The following AP3S2 variants were observed in gnomAD, a reference collection of about 807,000 sequenced individuals.
AP3S2 encodes the protein adaptor related protein complex 3 subunit sigma 2.
AP3S2 carries 22 observed loss-of-function variants against 23.4 expected under a neutral mutation model. That is an observed-to-expected ratio of 0.94 (90% CI 0.67 to 1.34). AP3S2 has a LOEUF of 1.34. Ranked by LOEUF, AP3S2 falls within the 40% of genes most tolerant of loss-of-function variation. The probability of loss-of-function intolerance (pLI) is 0.00; values close to 1 mark genes in which losing one functional copy is unlikely to be tolerated. For missense variants in AP3S2, 241 were observed against 236.9 expected (o/e 1.02, Z -0.11); for synonymous variants, 86 against 87.1 (o/e 0.99, Z 0.07).
At chr15:89,878,085 C>T (rs1485411799) in intron 3 of AP3S2, among the ~76,000 whole-genome samples, 1 of 151,968 alleles carries the variant, frequency 6.6e-6, no homozygotes, top group African/African-American at 2.4e-5. Flanking sequence ...TGTACTTAAC[C>T]TTGTACAGTT....
At chr15:89,891,427 G>A (rs905318666) in intron 1 of AP3S2, among the ~76,000 whole-genome samples, 1 of 152,208 alleles carries the variant, frequency 6.6e-6, no homozygotes, top group African/African-American at 2.4e-5. Context: ...GGGAGGCCAA[G>A]ACGGGCAGAT....
At chr15:89,889,706 A>G (rs1896775063) in intron 1 of AP3S2, among the ~76,000 whole-genome samples, 1 of 151,912 alleles carries the variant, frequency 6.6e-6, no homozygotes, top group Admixed American at 6.6e-5. Context: ...AAATAAAACA[A>G]AAAAACAATT....
chr15:89,877,546 T>G, intron 3 of AP3S2: 9 of 536,816 alleles, frequency 1.7e-5, no homozygotes, highest in Non-Finnish European at 2.5e-5. Flanking sequence ...TTCATATCTC[T>G]ATTTTATAAA....
intron 1 of AP3S2, among the ~76,000 whole-genome samples, chr15:89,889,991 TACTC>T (rs571452842): frequency 3.2e-3 from 491 of 152,312 alleles, no homozygotes; most frequent in Non-Finnish European, 4.0e-3. Flanking sequence ...GATGCTGTGT[TACTC>T]ACCAACAAAG....
At chr15:89,868,642 G>A (rs1896226943) in intron 4 of AP3S2, among the ~76,000 whole-genome samples, 1 of 117,012 alleles carries the variant, frequency 8.5e-6, no homozygotes, top group Non-Finnish European at 1.8e-5. Context: ...GCCCCTACTG[G>A]GAAGTGAGGA....
Position 89,835,557 on chromosome 15 carries a change from G to T in AP3S2, c.540C>A (p.Gly180=). Residue 180 remains glycine, a synonymous_variant, in exon 6 of 6, where the codon GGC becomes GGA. Coordinates refer to ENST00000336418, the MANE Select transcript of AP3S2 (RefSeq NM_005829.5). The part of the protein sequence containing the change: ...LPEIPRNINI[G]DLNIKVPNLS... ...GGTTGGGAACTTTGATGTTGAGATC[G>T]CCAATGTTGATGTTCCGAGGAATCT... The T allele has an allele frequency of 1.9e-6, 3 of 1,613,962 alleles. No individual in the cohort carries two copies. The South Asian group carries it at 3.3e-5, about 18-fold the overall frequency.
intron 3 of AP3S2, among the ~76,000 whole-genome samples, chr15:89,872,157 A>C (rs1268563493): frequency 6.6e-6 from 1 of 151,810 alleles, no homozygotes; most frequent in Non-Finnish European, 1.5e-5. Flanking sequence ...TACATAAAAG[A>C]ATAACAAATT....
chr15:89,889,472 T>C (rs947866497), intron 1 of AP3S2: 1 of 235,768 alleles, frequency 4.2e-6, no homozygotes, highest in Non-Finnish European at 8.5e-6. Flanking sequence ...GAAGGCCTGA[T>C]CCTGAAATAT....
At chr15:89,871,640 A>G in intron 3 of AP3S2, 94 bp from the exon 4 acceptor site, 5 of 1,278,964 alleles carry the variant, frequency 3.9e-6, no homozygotes, top group African/African-American at 1.5e-5. Flanking sequence ...GGCTGTCACA[A>G]TACTATTTAC....
chr15:89,853,353 G>C (rs955050679), intron 4 of AP3S2, among the ~76,000 whole-genome samples: 1 of 152,106 alleles, frequency 6.6e-6, no homozygotes, highest in Non-Finnish European at 1.5e-5. Context: ...TTGAATGGTG[G>C]ATATTACTGT....
intron 4 of AP3S2, among the ~76,000 whole-genome samples, chr15:89,840,338 T>C (rs1322869095): frequency 1.3e-5 from 2 of 152,208 alleles, no homozygotes; most frequent in Non-Finnish European, 2.9e-5. Flanking sequence ...ACTTGTTGAG[T>C]ATCTATTATG....
chr15:89,872,229 T>C (rs895601076), intron 3 of AP3S2, among the ~76,000 whole-genome samples: 2 of 152,148 alleles, frequency 1.3e-5, no homozygotes, highest in African/African-American at 4.8e-5. Context: ...AAATTTTTCA[T>C]TATTACAGGG....
chr15:89,883,031 CT>C (rs1432818431), intron 3 of AP3S2, among the ~76,000 whole-genome samples: 1 of 152,120 alleles, frequency 6.6e-6, no homozygotes, highest in Non-Finnish European at 1.5e-5. Flanking sequence ...CCAACTATTC[CT>C]TTGTTTTTTC....
chr15:89,862,269 A>C (rs983995903), intron 4 of AP3S2, among the ~76,000 whole-genome samples: 1 of 152,226 alleles, frequency 6.6e-6, no homozygotes, highest in Non-Finnish European at 1.5e-5. Context: ...AAAGATCTAA[A>C]GGACATTTCT....
rs1391056569 is a variant in AP3S2, at chr15:89,835,698, T to C, written c.454-55A>G. ...CAAATTCTCACTGTTATCTGCTTAA[T>C]GCTAAAAAAAAAAAAAAAAAAAAAG... On this transcript the variant is annotated intron_variant, in intron 5 of 5. Coordinates refer to ENST00000336418, the MANE Select transcript of AP3S2 (RefSeq NM_005829.5). 3 of 1,167,564 alleles carry C rather than the reference T, an allele frequency of 2.6e-6. No homozygotes were observed. The African/African-American group carries it at 6.6e-5, about 25-fold the overall frequency. The allele number at this position is 1,167,564 out of a possible 1,614,324, so 72.3% of individuals were successfully genotyped here.
intron 4 of AP3S2, among the ~76,000 whole-genome samples, chr15:89,856,684 AGAGT>A (rs1367298133): frequency 7.0e-6 from 1 of 143,254 alleles, no homozygotes; most frequent in Non-Finnish European, 1.5e-5. Context: ...CCTGGATGAC[AGAGT>A]GAGACTCCAT....
At chr15:89,838,457 C>T (rs1276270096) in intron 4 of AP3S2, among the ~76,000 whole-genome samples, 1 of 152,206 alleles carries the variant, frequency 6.6e-6, no homozygotes, top group East Asian at 1.9e-4. Flanking sequence ...AGCTGAATCT[C>T]AGTGTACCTA....
intron 5 of AP3S2, among the ~76,000 whole-genome samples, chr15:89,837,243 C>G (rs1280195709): frequency 2.6e-5 from 4 of 152,168 alleles, no homozygotes; most frequent in African/African-American, 9.7e-5. Flanking sequence ...AGCACACAAA[C>G]TAGGAAACCA....
chr15:89,845,096 G>A (rs898612913), intron 4 of AP3S2, among the ~76,000 whole-genome samples: 4 of 151,908 alleles, frequency 2.6e-5, no homozygotes, highest in African/African-American at 4.8e-5. Flanking sequence ...TAGTAGAGAC[G>A]AGGTTTTACC....
Sources: gnomAD v4.1 joint callset for allele counts (sites outside exome capture counted in the v4.1 genomes callset) on GRCh38, gnomAD v4.1.1 for gene constraint, MANE v1.5 for transcripts, NCBI Gene and HGNC (gene_info 2026-07-23, HGNC 2026-07-21) for gene names.